Variants in RBFOX3 observed in about 807,000 individuals in gnomAD.
RBFOX3 encodes the protein RNA binding protein fox-1 homolog 3.
Under a neutral mutation model 48.7 loss-of-function variants are expected in RBFOX3, and 17 were observed. The ratio of observed to expected loss-of-function variants is 0.35; its 90% CI spans 0.24 to 0.52. RBFOX3 has a LOEUF of 0.52. Ranked by LOEUF, RBFOX3 falls within the 20% of genes least tolerant of loss-of-function variation. RBFOX3 has a pLI of 0.94. For synonymous variants in RBFOX3, 212 were observed against 209.5 expected, an observed-to-expected ratio of 1.01 and a Z score of -0.10; for missense variants, 382 against 497.5, an observed-to-expected ratio of 0.77 and a Z score of 2.21.
chr17:79,248,157 G>A (rs979166973), intron 3 of RBFOX3, among the ~76,000 whole-genome samples: 8 of 152,308 alleles, frequency 5.3e-5, no homozygotes, highest in Admixed American at 3.3e-4. Flanking sequence ...AGGGAGGGAC[G>A]TTTGGAACAA....
chr17:79,120,790 A>G (rs1391162897), intron 4 of RBFOX3, among the ~76,000 whole-genome samples: 2 of 151,982 alleles, frequency 1.3e-5, no homozygotes, highest in Non-Finnish European at 2.9e-5. Context: ...GGATGAGTTT[A>G]AAGACCATGG....
chr17:79,432,289 C>T (rs1377402048), intron 2 of RBFOX3, among the ~76,000 whole-genome samples: 1 of 152,248 alleles, frequency 6.6e-6, no homozygotes, highest in Non-Finnish European at 1.5e-5. Context: ...TACCCTGCTT[C>T]CAACCCTGTT....
chr17:79,181,993 AC>A (rs2052076491), intron 4 of RBFOX3, among the ~76,000 whole-genome samples: 1 of 150,480 alleles, frequency 6.6e-6, no homozygotes, highest in Non-Finnish European at 1.5e-5. Context: ...ACACACACAC[AC>A]ACACACAAAC....
intron 2 of RBFOX3, among the ~76,000 whole-genome samples, chr17:79,321,950 C>T (rs1034579344): frequency 1.3e-5 from 2 of 152,200 alleles, no homozygotes; most frequent in African/African-American, 4.8e-5. Flanking sequence ...AGGTGATCCA[C>T]CCGCCTTGGC....
chr17:79,199,373 G>C lies in RBFOX3; in HGVS notation c.-34+36393C>G, dbSNP rs562914618. Among the ~76,000 whole-genome samples the C allele has an allele frequency of 8.5e-4, 129 of 152,208 alleles. No individual in the cohort carries two copies. The highest frequency in any genetic ancestry group is 3.0e-3 in the African/African-American group (125 of 41,530). On this transcript the variant is annotated intron_variant, in intron 4 of 14. Coordinates refer to ENST00000693108, the MANE Select transcript of RBFOX3 (RefSeq NM_001350451.2). This position sits in a 1 kb window ranked among gnomAD's most constrained non-coding sequence, Gnocchi z 5.1. Reference sequence around the variant, plus strand: ...GTGGGAGGGTCAGACTCAGAGGAGGGAGCATTCCCAGGAGCCTCCAACCCT... The same window carrying C: ...GTGGGAGGGTCAGACTCAGAGGAGGCAGCATTCCCAGGAGCCTCCAACCCT...
intron 6 of RBFOX3, 94 bp downstream of exon 6, chr17:79,106,557 G>GA (rs2077414267): frequency 7.3e-7 from 1 of 1,364,032 alleles, no homozygotes; most frequent in Non-Finnish European, 9.4e-7. Context: ...AAACCCGGGG[G>GA]AACAGGTGTC....
intron 2 of RBFOX3, among the ~76,000 whole-genome samples, chr17:79,433,126 G>A (rs565473606): frequency 6.6e-6 from 1 of 152,308 alleles, no homozygotes; most frequent in East Asian, 1.9e-4. Flanking sequence ...GTCTCTGCAG[G>A]GAGACACGGT....
At chr17:79,442,883 T>G (rs2071437805) in intron 2 of RBFOX3, among the ~76,000 whole-genome samples, 1 of 152,188 alleles carries the variant, frequency 6.6e-6, no homozygotes, top group Admixed American at 6.5e-5. Flanking sequence ...GGTCCGTGCA[T>G]GATTCCACTC....
chr17:79,292,343 T>C (rs2073431574), intron 3 of RBFOX3, among the ~76,000 whole-genome samples: 2 of 151,914 alleles, frequency 1.3e-5, no homozygotes, highest in Non-Finnish European at 2.9e-5. Context: ...TAGAATTTAT[T>C]CTATTGTGCC....
intron 1 of RBFOX3, among the ~76,000 whole-genome samples, chr17:79,517,262 A>G (rs2085371949): frequency 6.6e-6 from 1 of 152,062 alleles, no homozygotes; most frequent in Admixed American, 6.5e-5. Flanking sequence ...CCTGACCGAC[A>G]TGGTAAAACC....
At chr17:79,315,824 C>T (rs577049942) in intron 2 of RBFOX3, among the ~76,000 whole-genome samples, 29 of 152,246 alleles carry the variant, frequency 1.9e-4, no homozygotes, top group Non-Finnish European at 3.4e-4. Context: ...GCTTAAATGG[C>T]GCGCCGAGGG....
chr17:79,643,882 T>C, the RBFOX3 span, among the ~76,000 whole-genome samples: 1 of 132,416 alleles, frequency 7.6e-6, no homozygotes, highest in African/African-American at 2.7e-5. Context: ...ACAAAACTTT[T>C]TCTTAAAAAG....
rs1047402932 is a variant in RBFOX3 at position 79,443,797 on chromosome 17, G to A, written c.-175+38657C>T. Among the ~76,000 whole-genome samples the A allele has an allele frequency of 9.2e-5, 14 of 152,010 alleles. No individual in the cohort carries two copies. The highest frequency in any genetic ancestry group is 4.4e-5 in the Non-Finnish European group (3 of 67,986). On this transcript the variant is annotated intron_variant, in intron 2 of 14. Transcript: ENST00000693108. This position sits in a 1 kb window ranked among gnomAD's most constrained non-coding sequence, Gnocchi z 4.4. ...TGTCCCACTGCCTCCCTCGGCCCCCGACCCTTTATTTGCTGAGCCCCAGAG... is the reference window on the plus strand; with the variant it reads ...TGTCCCACTGCCTCCCTCGGCCCCCAACCCTTTATTTGCTGAGCCCCAGAG...
At chr17:79,312,842 A>G (rs1240521343) in intron 2 of RBFOX3, among the ~76,000 whole-genome samples, 1 of 152,178 alleles carries the variant, frequency 6.6e-6, no homozygotes, top group Non-Finnish European at 1.5e-5. Flanking sequence ...AGCTGCTGTA[A>G]TCTCCTCGAG....
At chr17:79,589,409 C>T (rs2093354087) in intron 1 of RBFOX3, among the ~76,000 whole-genome samples, 1 of 152,168 alleles carries the variant, frequency 6.6e-6, no homozygotes, top group Non-Finnish European at 1.5e-5. Context: ...CTGTTTGTGC[C>T]TCTGTGTCCT....
chr17:79,463,907 CCACCACCACCATTGCCACTGCCA>C, intron 2 of RBFOX3, among the ~76,000 whole-genome samples: 1 of 128,002 alleles, frequency 7.8e-6, no homozygotes, highest in African/African-American at 3.5e-5. Flanking sequence ...ACCACTGCCA[CCACCACCACCATTGCCACTGCCA>C]CCTCCCCACC....
chr17:79,523,849 G>A (rs1241732466), intron 1 of RBFOX3, among the ~76,000 whole-genome samples: 1 of 152,330 alleles, frequency 6.6e-6, no homozygotes, highest in Non-Finnish European at 1.5e-5. Context: ...TCAGAAGGTA[G>A]ATAAGAGTTC....
rs990085561 is a variant in RBFOX3 at position 79,141,203 on chromosome 17, G to A, written c.-33-25455C>T. Among the ~76,000 whole-genome samples the A allele has an allele frequency of 2.6e-5, 4 of 152,212 alleles. No homozygotes were observed. In the South Asian group the frequency reaches 8.3e-4, roughly 31 times the overall value. On this transcript the variant is annotated intron_variant, in intron 4 of 14. Transcript: ENST00000693108. ...GTGGCTGGGGACAGAATTGGGAGGG[G>A]TCAAAAGACTGGTCTTTCTGCAATA...
intron 5 of RBFOX3, 123 bp from the exon 6 acceptor site, chr17:79,106,911 T>A: frequency 7.8e-7 from 1 of 1,280,122 alleles, no homozygotes; most frequent in Non-Finnish European, 1.0e-6. Flanking sequence ...CTCTCCCCCA[T>A]CCCTGGGCTG....
Sources: gnomAD v4.1 joint callset for allele counts (sites outside exome capture counted in the v4.1 genomes callset) on GRCh38, gnomAD v4.1.1 for gene constraint, Gnocchi (gnomAD v3.1) non-coding constraint, MANE v1.5 for transcripts, NCBI Gene and HGNC (gene_info 2026-07-23, HGNC 2026-07-21) for gene names.